The following IFNAR1 variants were observed in gnomAD, a reference collection of about 807,000 sequenced individuals.
IFNAR1 encodes the protein interferon alpha/beta receptor 1.
In IFNAR1, 47 loss-of-function variants were observed where a neutral mutation model predicts 62.1. The ratio of observed to expected loss-of-function variants is 0.76; its 90% CI spans 0.60 to 0.97. The LOEUF is 0.97. Ranked by LOEUF, IFNAR1 falls within the 50% of genes least tolerant of loss-of-function variation. IFNAR1 has a pLI of 0.00. For missense variants in IFNAR1, 638 were observed against 654.5 expected (o/e 0.97, Z 0.27); for synonymous variants, 219 against 226.9 (o/e 0.97, Z 0.31).
Position 33,353,799 on chromosome 21 carries a change from T to C in IFNAR1, c.1440+16T>C. On this transcript the variant is annotated intron_variant, in intron 10 of 10. Transcript: ENST00000270139. ...TATAGATGAGGTATGTTACTTTTTT[T>C]ATTTTTTTGTCAACAGCTAGGTAAT... The C allele has an allele frequency of 6.6e-7, 1 of 1,521,896 alleles. No individual in the cohort carries two copies. Among genetic ancestry groups the C allele is most frequent in the Non-Finnish European group, 8.9e-7 (1 of 1,127,702 alleles). The allele number at this position is 1,521,896 out of a possible 1,614,324, so 94.3% of individuals were successfully genotyped here. A position where few individuals can be genotyped will look rare whatever the true frequency, so the allele number is the denominator to read the frequency against.
chr21:33,356,164 G>T lies in IFNAR1; in HGVS notation c.*615G>T, dbSNP rs995659814. 6.6e-6 allele frequency: 1 copy of T among 152,254 alleles called. No homozygotes were observed. Among genetic ancestry groups the T allele is most frequent in the Non-Finnish European group, 1.5e-5 (1 of 68,086 alleles). 9.4% of individuals were successfully genotyped at this position (152,254 alleles called of 1,614,324 possible). On this transcript the variant is annotated 3_prime_UTR_variant, in exon 11 of 11. Coordinates refer to ENST00000270139, the MANE Select transcript of IFNAR1 (RefSeq NM_000629.3). Reference sequence around the variant, plus strand: ...TCTTCCTCCTGTGAGCCTAAGTGCAGCCGTGCTAGCTGCGCACCGTGGCTA... The same window carrying T: ...TCTTCCTCCTGTGAGCCTAAGTGCATCCGTGCTAGCTGCGCACCGTGGCTA...
chr21:33,346,584 T>A (rs906058128), intron 6 of IFNAR1, among the ~76,000 whole-genome samples: 1 of 152,184 alleles, frequency 6.6e-6, no homozygotes, highest in Non-Finnish European at 1.5e-5. Context: ...TGATAGCTGA[T>A]CTCTAAGCTT....
chr21:33,352,476 A>C (rs1299288357), intron 8 of IFNAR1, among the ~76,000 whole-genome samples: 2 of 152,072 alleles, frequency 1.3e-5, no homozygotes, highest in African/African-American at 4.8e-5. Context: ...TGGCATCTGC[A>C]TCTGTAATCC....
At chr21:33,344,649 G>A (rs2083327450) in intron 5 of IFNAR1, among the ~76,000 whole-genome samples, 1 of 151,958 alleles carries the variant, frequency 6.6e-6, no homozygotes, top group Non-Finnish European at 1.5e-5. Context: ...CTTACTAGAA[G>A]TATTTTACAG....
chr21:33,324,702 T>G, upstream of IFNAR1: 14 of 266,692 alleles, frequency 5.2e-5, no homozygotes, highest in African/African-American at 6.5e-5. Flanking sequence ...TGGAATGCGA[T>G]GGTGAAGTGC....
At chr21:33,342,674 C>G (rs1244104524) in intron 3 of IFNAR1, among the ~76,000 whole-genome samples, 1 of 138,482 alleles carries the variant, frequency 7.2e-6, no homozygotes, top group Non-Finnish European at 1.5e-5. Flanking sequence ...GAAACCCTGT[C>G]TCTACTAAAA....
At chr21:33,324,683 G>T (rs986155314), upstream of IFNAR1, 2 of 238,540 alleles carry the variant, frequency 8.4e-6, no homozygotes, top group Non-Finnish European at 1.7e-5. Flanking sequence ...CTGTGAGGGG[G>T]AGTCGTCCTG....
At chr21:33,331,081 C>T (rs776873053) in intron 1 of IFNAR1, among the ~76,000 whole-genome samples, 17 of 152,206 alleles carry the variant, frequency 1.1e-4, no homozygotes, top group Admixed American at 2.0e-4. Context: ...ATCTGAACCA[C>T]GCCAGGCTGG....
intron 2 of IFNAR1, among the ~76,000 whole-genome samples, chr21:33,340,131 C>T (rs2083280606): frequency 6.6e-6 from 1 of 151,698 alleles, no homozygotes; most frequent in Non-Finnish European, 1.5e-5. Context: ...GTTCCACTTC[C>T]AAAAATTTAT....
Position 33,351,354 on chromosome 21 carries a change from A to G in IFNAR1, c.1144-1404A>G, listed in dbSNP as rs570501711. Among the ~76,000 whole-genome samples, 5 of 152,172 alleles carry G rather than the reference A, an allele frequency of 3.3e-5. No homozygotes were observed. The South Asian group carries it at 1.0e-3, about 32-fold the overall frequency. On this transcript the variant is annotated intron_variant, in intron 8 of 10. Transcript: ENST00000270139. ...CTTGCACTGCTCCTATTTGCCAGGAATAAAATGTATTCCACATAGTCTCTG... is the reference window on the plus strand; with the variant it reads ...CTTGCACTGCTCCTATTTGCCAGGAGTAAAATGTATTCCACATAGTCTCTG...
chr21:33,338,268 C>G (rs535325099), intron 2 of IFNAR1, among the ~76,000 whole-genome samples: 8 of 152,274 alleles, frequency 5.3e-5, no homozygotes, highest in South Asian at 2.1e-4. Context: ...CATGGTGGCT[C>G]ACACCTGTAA....
chr21:33,349,242 A>G lies in IFNAR1; in HGVS notation c.940A>G (p.Asn314Asp). The G allele has an allele frequency of 6.2e-7, 1 of 1,613,272 alleles. No individual in the cohort carries two copies. The change falls in exon 7 of 11, where the codon AAC (asparagine) becomes GAC (aspartate). Residue 314 changes from asparagine (N) to aspartate (D), a missense_variant. Transcript: ENST00000270139. Reference sequence around the variant, plus strand: ...CCGCGTACAAGCATCTGATGGAAATAACACATCTTTTTGGTCTGAAGAGAT... The same window carrying G: ...CCGCGTACAAGCATCTGATGGAAATGACACATCTTTTTGGTCTGAAGAGAT... The part of the protein sequence containing the change: ...LLRVQASDGN[N>D]TSFWSEEIKF...
intron 5 of IFNAR1, among the ~76,000 whole-genome samples, chr21:33,344,891 G>A (rs1240005609): frequency 2.6e-5 from 4 of 151,942 alleles, no homozygotes; most frequent in African/African-American, 4.8e-5. Flanking sequence ...AGCTTCAAGC[G>A]ATTCTCCTGC....
In IFNAR1 at chr21:33,324,993, G is replaced by A; in HGVS notation, c.-63G>A. The A allele has an allele frequency of 6.8e-7, 1 of 1,461,422 alleles. No individual in the cohort carries two copies. The highest frequency in any genetic ancestry group is 9.4e-7 in the Non-Finnish European group (1 of 1,066,454). 90.5% of individuals were successfully genotyped at this position (1,461,422 alleles called of 1,614,324 possible). A position where few individuals can be genotyped will look rare whatever the true frequency, so the allele number is the denominator to read the frequency against. The stretch of plus-strand genomic sequence containing the variant: ...GCGGTGTGACTTAGGACGGGGCGAT[G>A]GCGGCTGAGAGGAGCTGCGCGTGCG... On this transcript the variant is annotated 5_prime_UTR_variant, in exon 1 of 11. The change abolishes an upstream ATG in the 5' untranslated region. Coordinates refer to ENST00000270139, the MANE Select transcript of IFNAR1 (RefSeq NM_000629.3).
At chr21:33,335,811 G>A (rs918187782) in intron 2 of IFNAR1, among the ~76,000 whole-genome samples, 164 bp downstream of exon 2, 4 of 151,498 alleles carry the variant, frequency 2.6e-5, no homozygotes, top group African/African-American at 9.7e-5. Flanking sequence ...TAGAGACTTA[G>A]TCAAATACAT....
In IFNAR1 at chr21:33,359,564, T is replaced by C. The variant is rs988924361; in HGVS notation, c.*4015T>C. 6.6e-6 allele frequency: 1 copy of C among 152,220 alleles called. No homozygotes were observed. The highest frequency in any genetic ancestry group is 1.9e-4 in the East Asian group (1 of 5,188). The allele number at this position is 152,220 out of a possible 1,614,324, so 9.4% of individuals were successfully genotyped here. On this transcript the variant is annotated 3_prime_UTR_variant, in exon 11 of 11. Coordinates refer to ENST00000270139, the MANE Select transcript of IFNAR1 (RefSeq NM_000629.3). Reference sequence around the variant, plus strand: ...CATTGAATGAAGTTTGCTGTGGTATTGCATAGCCTTGCTTTCTTGAACTAA... The same window carrying C: ...CATTGAATGAAGTTTGCTGTGGTATCGCATAGCCTTGCTTTCTTGAACTAA...
chr21:33,332,790 T>A (rs989996631), intron 1 of IFNAR1, among the ~76,000 whole-genome samples: 1 of 152,184 alleles, frequency 6.6e-6, no homozygotes, highest in African/African-American at 2.4e-5. Flanking sequence ...ATCTCTGAAC[T>A]TGAAGATATA....
At chr21:33,350,731 T>C (rs2083390268) in intron 8 of IFNAR1, among the ~76,000 whole-genome samples, 1 of 152,222 alleles carries the variant, frequency 6.6e-6, no homozygotes, top group Non-Finnish European at 1.5e-5. Context: ...GCAAATTCCA[T>C]TGATTTGGCT....
Position 33,351,979 on chromosome 21 carries a change from A to T in IFNAR1, c.1144-779A>T, listed in dbSNP as rs568044411. 1.1e-4 allele frequency among the ~76,000 whole-genome samples: 17 copies of T among 151,988 alleles called. No homozygotes were observed. In the South Asian group the frequency reaches 3.5e-3, roughly 32 times the overall value. Reference sequence around the variant, plus strand: ...CCAAAGTGCTGGGATTACAGGTGTGACCCACCGGCTTGTTAGACATTATTC... The same window carrying T: ...CCAAAGTGCTGGGATTACAGGTGTGTCCCACCGGCTTGTTAGACATTATTC... On this transcript the variant is annotated intron_variant, in intron 8 of 10. Transcript: ENST00000270139.
Sources: allele counts gnomAD v4.1 joint callset (sites outside exome capture counted in the v4.1 genomes callset), GRCh38; gene constraint gnomAD v4.1.1; transcripts MANE v1.5; gene names NCBI Gene and HGNC (gene_info 2026-07-23, HGNC 2026-07-21).